Variants in STAT4 observed in about 807,000 individuals in gnomAD.
STAT4 encodes signal transducer and activator of transcription 4.
In STAT4, 42 loss-of-function variants were observed where a neutral mutation model predicts 110.5. The ratio of observed to expected loss-of-function variants is 0.38; its 90% CI spans 0.30 to 0.49. The LOEUF is 0.49. Among genes scored for constraint, STAT4 ranks in the 20% least tolerant of loss-of-function variants. The pLI is 0.95. For missense variants in STAT4, 632 were observed against 887.9 expected (o/e 0.71, Z 3.66); for synonymous variants, 284 against 302.2 (o/e 0.94, Z 0.63).
rs1243172837 is a variant in STAT4, at chr2:191,117,657, G to A, written c.273+28956C>T. On this transcript the variant is annotated intron_variant, in intron 3 of 23. Transcript: ENST00000392320. The surrounding 1 kb of genome is among the most constrained non-coding windows in gnomAD (Gnocchi z 5.2). ...AGGATGGTTGGGGGAGTAGGAAATT[G>A]CATCCTGGGCAGAGGGCATTGCAAG... Among the ~76,000 whole-genome samples the A allele has an allele frequency of 6.6e-6, 1 of 152,162 alleles. No individual in the cohort carries two copies. Among genetic ancestry groups the A allele is most frequent in the Admixed American group, 6.5e-5 (1 of 15,272 alleles).
rs888232430 is a variant in STAT4 at position 191,033,206 on chromosome 2, A to G, written c.1853-57T>C. 10 of 1,536,722 alleles carry G rather than the reference A, an allele frequency of 6.5e-6. No individual in the cohort carries two copies. Among genetic ancestry groups the G allele is most frequent in the Non-Finnish European group, 8.0e-6 (9 of 1,131,846 alleles). ...GTTCCTGTACACATTCCTTGTGACC[A>G]TTTCTTCCCTGCCCACATTATCTTC... On this transcript the variant is annotated intron_variant, in intron 20 of 23. Coordinates refer to ENST00000392320, the MANE Select transcript of STAT4 (RefSeq NM_003151.4). The surrounding 1 kb of genome is among the most constrained non-coding windows in gnomAD (Gnocchi z 6.9).
chr2:191,093,481 C>G (rs1300956948), intron 3 of STAT4, among the ~76,000 whole-genome samples: 1 of 152,218 alleles, frequency 6.6e-6, no homozygotes, highest in Non-Finnish European at 1.5e-5. Flanking sequence ...ATCCAACAGA[C>G]TTGCAGCTGA....
chr2:191,047,919 G>A (rs1227304550), intron 14 of STAT4, among the ~76,000 whole-genome samples: 2 of 152,180 alleles, frequency 1.3e-5, no homozygotes, highest in East Asian at 1.9e-4. Flanking sequence ...GCCTGTCTCG[G>A]ACTCCCAAAG....
chr2:191,120,757 C>T (rs982867748), intron 3 of STAT4, among the ~76,000 whole-genome samples: 26 of 152,126 alleles, frequency 1.7e-4, no homozygotes, highest in Admixed American at 6.5e-4. Flanking sequence ...TTCCTTACAC[C>T]TTATATAAAA....
Position 191,064,925 on chromosome 2 carries a change from C to T in STAT4, c.664G>A (p.Glu222Lys). ...ALSKMTQIIH[E>K]TDLLMNTMLI... ...ATGGTGTTCATTAACAGGTCTGTCT[C>T]ATGGATGATTTGGGTCATTTTACTG... Residue 222 changes from glutamate to lysine, a missense_variant, in exon 8 of 24, where the codon GAG becomes AAG. Physicochemically the swap from Glu to Lys is moderately conservative, Grantham distance 56. Transcript: ENST00000392320. 1 of 1,608,198 alleles carries T rather than the reference C, an allele frequency of 6.2e-7. No homozygotes were observed. The highest frequency in any genetic ancestry group is 8.5e-7 in the Non-Finnish European group (1 of 1,177,504).
chr2:191,038,686 C>G (rs763501918), intron 16 of STAT4, among the ~76,000 whole-genome samples: 1 of 152,142 alleles, frequency 6.6e-6, no homozygotes, highest in Non-Finnish European at 1.5e-5. Flanking sequence ...AGTGTCACAA[C>G]GACCAGATAG....
Position 191,058,604 on chromosome 2 carries a change from G to C in STAT4, c.1094+106C>G, listed in dbSNP as rs528621863. ...GAAGTACATTCATTATATAATGTTA[G>C]ATAAGTAAATTTAAAAGTTCAAAAT... On this transcript the variant is annotated intron_variant, in intron 11 of 23. Coordinates refer to ENST00000392320, the MANE Select transcript of STAT4 (RefSeq NM_003151.4). The surrounding 1 kb of genome is among the most constrained non-coding windows in gnomAD (Gnocchi z 4.3). 139 of 703,046 alleles carry C rather than the reference G, an allele frequency of 2.0e-4. 3 individuals are homozygous for C. In the South Asian group the frequency reaches 2.5e-3, roughly 13 times the overall value. The allele number at this position is 703,046 out of a possible 1,614,324, so 43.6% of individuals were successfully genotyped here. A position where few individuals can be genotyped will look rare whatever the true frequency, so the allele number is the denominator to read the frequency against.
At chr2:191,080,212 T>C (rs1430875027) in intron 3 of STAT4, among the ~76,000 whole-genome samples, 2 of 152,114 alleles carry the variant, frequency 1.3e-5, no homozygotes, top group Admixed American at 1.3e-4. Flanking sequence ...CACTTAGAAT[T>C]TTTATTTTTT....
rs1697798374 is a variant in STAT4 at position 191,091,599 on chromosome 2, T to A, written c.274-15274A>T. Among the ~76,000 whole-genome samples the A allele has an allele frequency of 1.3e-5, 2 of 152,164 alleles. No individual in the cohort carries two copies. The highest frequency in any genetic ancestry group is 4.1e-4 in the South Asian group (2 of 4,834). ...GTCAATGAAGTGATCTTAAAGTTCA[T>A]ATGTGACAGAAAATGTCTGACAACA... On this transcript the variant is annotated intron_variant, in intron 3 of 23. Coordinates refer to ENST00000392320, the MANE Select transcript of STAT4 (RefSeq NM_003151.4). This position sits in a 1 kb window ranked among gnomAD's most constrained non-coding sequence, Gnocchi z 5.4.
rs1465318182 is a variant in STAT4 at position 191,099,112 on chromosome 2, C to T, written c.274-22787G>A. 6.6e-6 allele frequency among the ~76,000 whole-genome samples: 1 copy of T among 151,848 alleles called. No homozygotes were observed. Among genetic ancestry groups the T allele is most frequent in the Non-Finnish European group, 1.5e-5 (1 of 67,934 alleles). On this transcript the variant is annotated intron_variant, in intron 3 of 23. Transcript: ENST00000392320. The surrounding 1 kb of genome is among the most constrained non-coding windows in gnomAD (Gnocchi z 4.1). ...TGACCAATAAATGTGGGAAAGGATG[C>T]CCCATCTCCCAAATAGTTAGGAAAA...
intron 3 of STAT4, among the ~76,000 whole-genome samples, chr2:191,087,385 T>C (rs1354453045): frequency 6.6e-6 from 1 of 152,160 alleles, no homozygotes; most frequent in African/African-American, 2.4e-5. Context: ...ATATATTTCT[T>C]TGATGTGTTT....
At chr2:191,080,929 G>T (rs1437051035) in intron 3 of STAT4, among the ~76,000 whole-genome samples, 3 of 152,098 alleles carry the variant, frequency 2.0e-5, no homozygotes, top group Non-Finnish European at 2.9e-5. Flanking sequence ...TGCCATGATG[G>T]TTTGCTGCAC....
intron 3 of STAT4, among the ~76,000 whole-genome samples, chr2:191,106,741 G>T (rs1029015502): frequency 6.6e-6 from 1 of 152,028 alleles, no homozygotes; most frequent in African/African-American, 2.4e-5. Context: ...GGAAAAATGT[G>T]CATGAGTCAA....
Position 191,115,258 on chromosome 2 carries a change from A to T in STAT4, c.273+31355T>A, listed in dbSNP as rs543635409. On this transcript the variant is annotated intron_variant, in intron 3 of 23. Transcript: ENST00000392320. The stretch of plus-strand genomic sequence containing the variant: ...GTGATTCCTGGTCCTTTGTTCTCAA[A>T]AACTCACAAGCTAAAAGAAAACACA... Among the ~76,000 whole-genome samples the T allele has an allele frequency of 1.5e-4, 23 of 152,324 alleles. No individual in the cohort carries two copies. The South Asian group carries it at 3.1e-3, about 21-fold the overall frequency.
intron 6 of STAT4, among the ~76,000 whole-genome samples, 193 bp downstream of exon 6, chr2:191,069,500 C>G (rs1349812410): frequency 6.6e-6 from 1 of 151,974 alleles, no homozygotes; most frequent in African/African-American, 2.4e-5. Flanking sequence ...TGGGTACACA[C>G]ACAGTTAAAC....
chr2:191,097,711 C>G (rs190955331), intron 3 of STAT4, among the ~76,000 whole-genome samples: 55 of 152,262 alleles, frequency 3.6e-4, no homozygotes, highest in African/African-American at 1.3e-3. Context: ...TAGGCATGAG[C>G]AAGTACTTCA....
chr2:191,088,144 G>C (rs1312173439), intron 3 of STAT4, among the ~76,000 whole-genome samples: 1 of 152,148 alleles, frequency 6.6e-6, no homozygotes, highest in African/African-American at 2.4e-5. Context: ...CATAGACACA[G>C]TGACTGTCTA....
chr2:191,057,607 T>C (rs939229650), intron 13 of STAT4, among the ~76,000 whole-genome samples: 1 of 148,492 alleles, frequency 6.7e-6, no homozygotes, highest in Non-Finnish European at 1.5e-5. Flanking sequence ...TTTTTCTTTT[T>C]TTTTTTTTTG....
rs1696876891 is a variant in STAT4, at chr2:191,062,485, A to C, written c.941+277T>G. 6.6e-6 allele frequency among the ~76,000 whole-genome samples: 1 copy of C among 152,140 alleles called. No individual in the cohort carries two copies. Among genetic ancestry groups the C allele is most frequent in the South Asian group, 2.1e-4 (1 of 4,826 alleles). ...TTTCATGGATATGCACATAAGAAAAAACCCTTGAAATTTTTTCTAAGATGT... is the reference window on the plus strand; with the variant it reads ...TTTCATGGATATGCACATAAGAAAACACCCTTGAAATTTTTTCTAAGATGT... On this transcript the variant is annotated intron_variant, in intron 9 of 23. Coordinates refer to ENST00000392320, the MANE Select transcript of STAT4 (RefSeq NM_003151.4). The surrounding 1 kb of genome is among the most constrained non-coding windows in gnomAD (Gnocchi z 4.9).
Sources: gnomAD v4.1 joint callset for allele counts (sites outside exome capture counted in the v4.1 genomes callset) on GRCh38, gnomAD v4.1.1 for gene constraint, Gnocchi (gnomAD v3.1) non-coding constraint, MANE v1.5 for transcripts, NCBI Gene and HGNC (gene_info 2026-07-23, HGNC 2026-07-21) for gene names.